HIVEP2: variants seen among roughly 807,000 people sequenced by gnomAD.
HIVEP2 encodes the protein transcription factor HIVEP2.
In HIVEP2, 14 loss-of-function variants were observed where a neutral mutation model predicts 180.7. The ratio of observed to expected loss-of-function variants is 0.08; its 90% CI spans 0.05 to 0.12. The LOEUF (loss-of-function observed/expected upper bound fraction) is 0.12. Among genes scored for constraint, HIVEP2 ranks in the 10% least tolerant of loss-of-function variants. HIVEP2 has a pLI of 1.00. For synonymous variants in HIVEP2, 1,184 were observed against 1,136.4 expected, an observed-to-expected ratio of 1.04 and a Z score of -0.84; for missense variants, 2,579 against 3,008.5, an observed-to-expected ratio of 0.86 and a Z score of 3.34.
intron 1 of HIVEP2, among the ~76,000 whole-genome samples, chr6:142,923,258 G>C (rs984775577): frequency 6.6e-6 from 1 of 151,926 alleles, no homozygotes; most frequent in African/African-American, 2.4e-5. Flanking sequence ...TTGAATCCGG[G>C]AGGCGGAGGT....
chr6:142,784,957 G>A (rs1049646169), intron 2 of HIVEP2, among the ~76,000 whole-genome samples: 3 of 151,758 alleles, frequency 2.0e-5, no homozygotes, highest in African/African-American at 7.3e-5. Context: ...GCGCGATCTC[G>A]GCTCACTGCA....
chr6:142,833,020 C>T (rs1775132479), intron 2 of HIVEP2, among the ~76,000 whole-genome samples: 2 of 152,178 alleles, frequency 1.3e-5, no homozygotes, highest in Non-Finnish European at 2.9e-5. Flanking sequence ...AACATAGTGG[C>T]CACATCCACA....
In HIVEP2 at chr6:142,807,343, C is replaced by T. The variant is rs951064852; in HGVS notation, c.-527-23728G>A. ...ACACTCCATAGTGAATTTGCATTGA[C>T]GCCAACCAGTTCATCCAGGTCAAGA... On this transcript the variant is annotated intron_variant, in intron 2 of 9. Coordinates refer to ENST00000367603, the MANE Select transcript of HIVEP2 (RefSeq NM_006734.4). Among the ~76,000 whole-genome samples the T allele has an allele frequency of 4.6e-5, 7 of 152,222 alleles. No homozygotes were observed. In the East Asian group the frequency reaches 9.7e-4, roughly 21 times the overall value.
chr6:142,931,156 T>C (rs1163103173), intron 1 of HIVEP2, among the ~76,000 whole-genome samples: 3 of 152,080 alleles, frequency 2.0e-5, no homozygotes, highest in African/African-American at 7.2e-5. Flanking sequence ...TGCAGGAAAA[T>C]TAAGAGAGTT....
intron 2 of HIVEP2, among the ~76,000 whole-genome samples, chr6:142,829,809 T>C (rs192491724): frequency 1.3e-5 from 2 of 152,368 alleles, no homozygotes; most frequent in African/African-American, 4.8e-5. Flanking sequence ...AAATTTCCAC[T>C]TAAGGATGAT....
intron 6 of HIVEP2, among the ~76,000 whole-genome samples, chr6:142,766,113 G>A (rs529709894): frequency 6.6e-6 from 1 of 152,164 alleles, no homozygotes; most frequent in Admixed American, 6.5e-5. Context: ...CCACAAACAG[G>A]AATAAAGGCA....
intron 1 of HIVEP2, among the ~76,000 whole-genome samples, chr6:142,891,899 CTGTT>C (rs1229123977): frequency 4.6e-5 from 7 of 152,160 alleles, no homozygotes; most frequent in African/African-American, 1.2e-4. Flanking sequence ...GGAGTTCATT[CTGTT>C]TGTTTGTTTA....
intron 2 of HIVEP2, among the ~76,000 whole-genome samples, chr6:142,798,933 A>G (rs1390991104): frequency 6.6e-6 from 1 of 152,202 alleles, no homozygotes; most frequent in Non-Finnish European, 1.5e-5. Context: ...TCTTATTTAT[A>G]TATTAGCAGA....
chr6:142,815,646 T>C (rs1475249985), intron 2 of HIVEP2, among the ~76,000 whole-genome samples: 1 of 152,210 alleles, frequency 6.6e-6, no homozygotes, highest in Non-Finnish European at 1.5e-5. Flanking sequence ...TACATTAATA[T>C]TAATAATGAT....
intron 2 of HIVEP2, among the ~76,000 whole-genome samples, chr6:142,828,586 G>A (rs1041109996): frequency 1.3e-5 from 2 of 152,008 alleles, no homozygotes; most frequent in Non-Finnish European, 2.9e-5. Flanking sequence ...TCAGCCATAT[G>A]CCACCATGCT....
chr6:142,827,518 G>A (rs906772731), intron 2 of HIVEP2, among the ~76,000 whole-genome samples: 4 of 152,190 alleles, frequency 2.6e-5, no homozygotes, highest in African/African-American at 9.7e-5. Context: ...GTATGTGTCT[G>A]TGTGCGCGCA....
chr6:142,789,414 C>G (rs571612122), intron 2 of HIVEP2, among the ~76,000 whole-genome samples: 37 of 152,322 alleles, frequency 2.4e-4, no homozygotes, highest in African/African-American at 8.9e-4. Flanking sequence ...TTTGACATCA[C>G]GTAAGTCATA....
chr6:142,830,917 C>A (rs758520424), intron 2 of HIVEP2, among the ~76,000 whole-genome samples: 5 of 152,228 alleles, frequency 3.3e-5, no homozygotes, highest in Admixed American at 2.6e-4. Context: ...GTCCTGCATA[C>A]TTTCCTTCAT....
intron 1 of HIVEP2, among the ~76,000 whole-genome samples, chr6:142,881,003 T>C (rs1256437108): frequency 7.2e-5 from 11 of 152,204 alleles, no homozygotes; most frequent in Non-Finnish European, 1.6e-4. Flanking sequence ...TTTTTCCCCA[T>C]ACTAGACTCA....
intron 1 of HIVEP2, among the ~76,000 whole-genome samples, chr6:142,871,623 A>C (rs981877690): frequency 5.1e-4 from 77 of 151,930 alleles, no homozygotes; most frequent in Non-Finnish European, 8.8e-4. Context: ...GAAGTAAAAA[A>C]AAAAAATCAC....
At chr6:142,780,992 T>C (rs1344376989) in intron 3 of HIVEP2, among the ~76,000 whole-genome samples, 2 of 152,212 alleles carry the variant, frequency 1.3e-5, no homozygotes, top group East Asian at 3.8e-4. Context: ...GAAATCTACA[T>C]TAAATGAATC....
intron 1 of HIVEP2, among the ~76,000 whole-genome samples, chr6:142,842,411 C>G (rs944886433): frequency 6.6e-6 from 1 of 151,806 alleles, no homozygotes; most frequent in Non-Finnish European, 1.5e-5. Flanking sequence ...CGATATGGTA[C>G]ATGAAGAATT....
chr6:142,891,183 A>T (rs1776851197), intron 1 of HIVEP2, among the ~76,000 whole-genome samples: 1 of 152,114 alleles, frequency 6.6e-6, no homozygotes, highest in Non-Finnish European at 1.5e-5. Context: ...TAGTATTTCC[A>T]CTTTGCAGAA....
chr6:142,931,605 C>A (rs987816084), intron 1 of HIVEP2, among the ~76,000 whole-genome samples: 2 of 152,076 alleles, frequency 1.3e-5, no homozygotes, highest in African/African-American at 4.8e-5. Flanking sequence ...CTTTCTAGGA[C>A]ACAGACAGTA....
Sources: gnomAD v4.1 joint callset for allele counts (sites outside exome capture counted in the v4.1 genomes callset) on GRCh38, gnomAD v4.1.1 for gene constraint, MANE v1.5 for transcripts, NCBI Gene and HGNC (gene_info 2026-07-23, HGNC 2026-07-21) for gene names.